Variants in AGTPBP1 observed in about 807,000 individuals in gnomAD.
The protein encoded by AGTPBP1 is cytosolic carboxypeptidase 1.
A neutral mutation model predicts 143.9 loss-of-function variants in AGTPBP1; 70 were observed. The ratio of observed to expected loss-of-function variants is 0.49; its 90% CI spans 0.40 to 0.59. The LOEUF is 0.59. Among genes scored for constraint, AGTPBP1 ranks in the 20% least tolerant of loss-of-function variants. AGTPBP1 has a pLI of 0.00. For synonymous variants in AGTPBP1, 463 were observed against 500.2 expected (o/e 0.93, Z 0.99); for missense variants, 1,229 against 1,464.5 (o/e 0.84, Z 2.62).
At chr9:85,788,500 T>C in the AGTPBP1 span, among the ~76,000 whole-genome samples, 1 of 150,088 alleles carries the variant, frequency 6.7e-6, no homozygotes, top group Non-Finnish European at 1.5e-5. Context: ...AAATTAATTA[T>C]TTCTAATTAA....
intron 1 of AGTPBP1, among the ~76,000 whole-genome samples, chr9:85,739,570 TG>T (rs1231999002): frequency 6.6e-6 from 1 of 151,364 alleles, no homozygotes; most frequent in Non-Finnish European, 1.5e-5. Flanking sequence ...TAGCCGGGCG[TG>T]GTGGTGTGCT....
rs1587669872 is a variant in AGTPBP1, at chr9:85,579,216, T to A, written c.3166-120A>T. 5 of 961,172 alleles carry A rather than the reference T, an allele frequency of 5.2e-6. No homozygotes were observed. The East Asian group carries it at 1.5e-4, about 28-fold the overall frequency. 59.5% of individuals were successfully genotyped at this position (961,172 alleles called of 1,614,324 possible). On this transcript the variant is annotated intron_variant, in intron 23 of 25. Coordinates refer to ENST00000357081, the MANE Select transcript of AGTPBP1 (RefSeq NM_001330701.2). The stretch of plus-strand genomic sequence containing the variant: ...AGAGCAAAGCCATGTGGATGTTCTA[T>A]TATATATCCCTTGCCATTCAAACAG...
chr9:85,619,195 G>C lies in AGTPBP1; in HGVS notation c.2186+20C>G. 6.2e-7 allele frequency: 1 copy of C among 1,610,238 alleles called. No homozygotes were observed. The highest frequency in any genetic ancestry group is 8.5e-7 in the Non-Finnish European group (1 of 1,178,246). Reference sequence around the variant, plus strand: ...AAATATCTGTGCACATACAAAATGAGAAAATCTTAAGTGACTTACTTTCTA... The same window carrying C: ...AAATATCTGTGCACATACAAAATGACAAAATCTTAAGTGACTTACTTTCTA... On this transcript the variant is annotated intron_variant, in intron 16 of 25. Transcript: ENST00000357081.
intron 25 of AGTPBP1, chr9:85,553,901 T>C (rs1359645842): frequency 6.6e-6 from 1 of 152,218 alleles, no homozygotes; most frequent in African/African-American, 2.4e-5. Context: ...CAGCCTCAGC[T>C]GCACACATCC....
chr9:85,641,346 G>A (rs1362891812), intron 13 of AGTPBP1, among the ~76,000 whole-genome samples: 2 of 152,154 alleles, frequency 1.3e-5, no homozygotes, highest in African/African-American at 4.8e-5. Context: ...ATTTTCAAGT[G>A]GTTCTTAACT....
chr9:85,555,370 C>T lies in AGTPBP1; in HGVS notation c.3504-8084G>A, dbSNP rs186298733. On this transcript the variant is annotated intron_variant, in intron 25 of 25. Coordinates refer to ENST00000357081, the MANE Select transcript of AGTPBP1 (RefSeq NM_001330701.2). ...ATCCCAGCACTTTGGGAGGCCGAGG[C>T]GGGTAGATCACGAGGTCAGGAAATC... 6.4e-4 allele frequency among the ~76,000 whole-genome samples: 97 copies of T among 152,222 alleles called. No individual in the cohort carries two copies. In the East Asian group the frequency reaches 0.015, roughly 23 times the overall value.
chr9:85,694,150 G>C (rs1165495603), intron 2 of AGTPBP1, among the ~76,000 whole-genome samples: 7 of 152,182 alleles, frequency 4.6e-5, no homozygotes, highest in Admixed American at 6.5e-5. Flanking sequence ...GGAAATTTTT[G>C]AGCAGAAGAG....
In AGTPBP1 at chr9:85,632,824, A is replaced by G. The variant is rs1238425514; in HGVS notation, c.1853T>C (p.Val618Ala). Reference protein sequence around the residue: ...NSSVEQASVEVPDGPTLHDPD... With the variant: ...NSSVEQASVEAPDGPTLHDPD... ...GTCATGGAGTGTTGGTCCATCAGGT[A>G]CTTCAACCGATGCTTGTTCTACCGA... The change falls in exon 14 of 26, where the codon GTA (valine) becomes GCA (alanine). Residue 618 changes from valine (V) to alanine (A), a missense_variant. This residue lies in a region of AGTPBP1 where 743 missense variants were observed against 812.2 expected (regional missense o/e 0.91). Transcript: ENST00000357081. 3.1e-6 allele frequency: 5 copies of G among 1,614,050 alleles called. No individual in the cohort carries two copies. The African/African-American group carries it at 6.7e-5, about 22-fold the overall frequency.
the AGTPBP1 span, among the ~76,000 whole-genome samples, chr9:85,793,111 A>T: frequency 0.045 from 6,796 of 152,204 alleles, 502 homozygotes; most frequent in African/African-American, 0.15. Context: ...GTGCTTCATG[A>T]CTATTTCTTT....
At chr9:85,573,344 G>T (rs547255640) in intron 25 of AGTPBP1, among the ~76,000 whole-genome samples, 35 of 152,346 alleles carry the variant, frequency 2.3e-4, no homozygotes, top group African/African-American at 7.7e-4. Flanking sequence ...AACCGCGAGT[G>T]ATCCGCCAGC....
In AGTPBP1 at chr9:85,589,623, T is replaced by C. The variant is rs1040407991; in HGVS notation, c.2627A>G (p.Asp876Gly). The change falls in exon 20 of 26, where the codon GAT (aspartate) becomes GGT (glycine). Residue 876 changes from aspartate (D) to glycine (G), a missense_variant. Asp to Gly is a moderately conservative substitution (Grantham distance 94). This residue lies in a region of AGTPBP1 where 486 missense variants were observed against 652.3 expected (regional missense o/e 0.75). Coordinates refer to ENST00000357081, the MANE Select transcript of AGTPBP1 (RefSeq NM_001330701.2). ...HNPQQIYFRKDVLCETLSGNS... is the reference protein window; with the variant it reads ...HNPQQIYFRKGVLCETLSGNS... ...TCCAGACAGGGTTTCACATAACACA[T>C]CTTTCCGAAAATAGATTTGCTGAGG... The C allele has an allele frequency of 1.2e-6, 2 of 1,613,594 alleles. No homozygotes were observed. The highest frequency in any genetic ancestry group is 1.7e-6 in the Non-Finnish European group (2 of 1,179,660).
chr9:85,731,619 T>C (rs192736580), intron 1 of AGTPBP1, among the ~76,000 whole-genome samples: 45 of 152,194 alleles, frequency 3.0e-4, no homozygotes, highest in African/African-American at 1.0e-3. Context: ...CTAATTGTTT[T>C]TTCCATTCTT....
At chr9:85,755,977 A>C in the AGTPBP1 span, 2 of 913,214 alleles carry the variant, frequency 2.2e-6, no homozygotes, top group South Asian at 4.2e-5. Context: ...TTAAATGTTC[A>C]TTTAAGAGAT....
At chr9:85,701,803 A>G (rs1836682622) in intron 2 of AGTPBP1, among the ~76,000 whole-genome samples, 1 of 152,226 alleles carries the variant, frequency 6.6e-6, no homozygotes, top group Non-Finnish European at 1.5e-5. Flanking sequence ...GTCAATTAGG[A>G]AAGGAAAAAA....
In AGTPBP1 at chr9:85,655,191, T is replaced by G. The variant is rs200158991; in HGVS notation, c.1039A>C (p.Ile347Leu). ...KSSFHFQLPV[I>L]PVTGPVAQLY... Reference sequence around the variant, plus strand: ...TGAGCCACAGGACCAGTCACAGGAATAACAGGCAACTGGAAATGAAAAGAA... The same window carrying G: ...TGAGCCACAGGACCAGTCACAGGAAGAACAGGCAACTGGAAATGAAAAGAA... Residue 347 changes from isoleucine (I) to leucine (L), a missense_variant, in exon 11 of 26, where the codon ATT (isoleucine) becomes CTT (leucine). Transcript: ENST00000357081. 32 of 1,613,502 alleles carry G rather than the reference T, an allele frequency of 2.0e-5. No individual in the cohort carries two copies. The highest frequency in any genetic ancestry group is 3.3e-5 in the Admixed American group (2 of 59,972).
chr9:85,666,153 GT>G (rs1044520924), intron 8 of AGTPBP1, among the ~76,000 whole-genome samples: 16 of 152,034 alleles, frequency 1.1e-4, no homozygotes, highest in African/African-American at 3.6e-4. Flanking sequence ...AAAAGCTTAA[GT>G]CCCCAGGTAC....
intron 17 of AGTPBP1, among the ~76,000 whole-genome samples, chr9:85,611,605 TA>T: frequency 6.6e-6 from 1 of 152,192 alleles, no homozygotes; most frequent in Middle Eastern, 3.2e-3. Flanking sequence ...TAAGTATTTT[TA>T]AGTCTTAGGT....
In AGTPBP1 at chr9:85,586,921, C is replaced by A; in HGVS notation, c.2943G>T (p.Gln981His). The A allele has an allele frequency of 1.2e-6, 2 of 1,614,032 alleles. No individual in the cohort carries two copies. Among genetic ancestry groups the A allele is most frequent in the Non-Finnish European group, 1.7e-6 (2 of 1,179,938 alleles). Residue 981 changes from glutamine (Q) to histidine (H), a missense_variant, in exon 22 of 26, where the codon CAG (glutamine) becomes CAT (histidine). Gln to His is a conservative substitution (Grantham distance 24). Transcript: ENST00000357081. The stretch of plus-strand genomic sequence containing the variant: ...GTAAATCCGGACTTGGACTTTGCCA[C>A]TGCCTATTCAAATCCTCTCCACTTA... ...CSLSGEDLNRQWQSPSPDLHP... is the reference protein window; with the variant it reads ...CSLSGEDLNRHWQSPSPDLHP...
intron 17 of AGTPBP1, among the ~76,000 whole-genome samples, chr9:85,608,385 C>G (rs1159504609): frequency 6.6e-6 from 1 of 152,022 alleles, no homozygotes; most frequent in Non-Finnish European, 1.5e-5. Context: ...AAACACCACT[C>G]TCAGAATAAG....
Sources: allele counts gnomAD v4.1 joint callset (sites outside exome capture counted in the v4.1 genomes callset), GRCh38; gene constraint gnomAD v4.1.1; regional missense constraint gnomAD v4.1.1; transcripts MANE v1.5; gene names NCBI Gene and HGNC (gene_info 2026-07-23, HGNC 2026-07-21).